RDX: variants seen among roughly 807,000 people sequenced by gnomAD.
RDX encodes deafness, autosomal recessive 24.
Under a neutral mutation model 83.7 loss-of-function variants are expected in RDX, and 32 were observed. The ratio of observed to expected loss-of-function variants is 0.38; its 90% CI spans 0.29 to 0.51. The LOEUF (loss-of-function observed/expected upper bound fraction) is 0.51. Among genes scored for constraint, RDX ranks in the 20% least tolerant of loss-of-function variants. RDX has a pLI of 0.87. For missense variants in RDX, 600 were observed against 689.9 expected (o/e 0.87, Z 1.46); for synonymous variants, 229 against 222.7 (o/e 1.03, Z -0.25).
At chr11:110,189,087 A>G (rs1425792322) in intron 15 of RDX, among the ~76,000 whole-genome samples, 4 of 151,952 alleles carry the variant, frequency 2.6e-5, no homozygotes, top group African/African-American at 9.7e-5. Context: ...AAAGACCCAT[A>G]CATCTACTAT....
In RDX at chr11:110,183,466, T is replaced by C. The variant is rs560024782; in HGVS notation, c.*32-8232A>G. Among the ~76,000 whole-genome samples the C allele has an allele frequency of 5.3e-5, 8 of 152,310 alleles. No individual in the cohort carries two copies. The East Asian group carries it at 1.5e-3, about 29-fold the overall frequency. On this transcript the variant is annotated intron_variant, in intron 15 of 15. Coordinates refer to the RDX transcript ENST00000528498. ...CCTCAGTCTCCTAAATAGCTGGGAC[T>C]ACAGGTACACGCTAACAGCCCAGCC...
At chr11:110,193,561 C>G (rs1439357700) in intron 15 of RDX, among the ~76,000 whole-genome samples, 1 of 152,188 alleles carries the variant, frequency 6.6e-6, no homozygotes, top group Non-Finnish European at 1.5e-5. Context: ...AAACTATTTT[C>G]TCCTCTCAAC....
At chr11:110,261,080 C>A (rs188370104) in intron 5 of RDX, among the ~76,000 whole-genome samples, 1 of 152,004 alleles carries the variant, frequency 6.6e-6, no homozygotes, top group South Asian at 2.1e-4. Flanking sequence ...GTTTAATTAC[C>A]ATCTATTCAC....
At chr11:110,219,913 G>T (rs964914948) in intron 14 of RDX, among the ~76,000 whole-genome samples, 1 of 152,160 alleles carries the variant, frequency 6.6e-6, no homozygotes, top group Non-Finnish European at 1.5e-5. Context: ...ACTGGATAAG[G>T]TCACTAAGAG....
At chr11:110,255,246 A>G (rs1188656654) in intron 8 of RDX, 43 bp downstream of exon 8, 2 of 1,006,528 alleles carry the variant, frequency 2.0e-6, no homozygotes, top group East Asian at 2.4e-5. Context: ...AAACTAGCAG[A>G]TATTAAACAG....
At chr11:110,207,141 G>C (rs1335291899) in intron 14 of RDX, among the ~76,000 whole-genome samples, 2 of 151,942 alleles carry the variant, frequency 1.3e-5, no homozygotes, top group Non-Finnish European at 2.9e-5. Context: ...GCCCAACTAA[G>C]TTTTGTATTT....
chr11:110,191,523 T>C (rs558587069), intron 15 of RDX, among the ~76,000 whole-genome samples: 75 of 152,334 alleles, frequency 4.9e-4, no homozygotes, highest in African/African-American at 1.7e-3. Context: ...ATGCCCACTC[T>C]TACCACACCT....
chr11:110,264,255 A>T (rs1393546003), intron 4 of RDX, 21 bp from the exon 5 acceptor site: 1 of 1,553,466 alleles, frequency 6.4e-7, no homozygotes, highest in Non-Finnish European at 8.8e-7. Context: ...AATTTCAAGT[A>T]TAATCAACAA....
rs560083718 is a variant in RDX, at chr11:110,231,617, G to T, written c.*252C>A. ...CTTCAACAGAAAAAAAAAAGAAAAA[G>T]AAAAAAAATGTGAAAAGAGGCAATG... On this transcript the variant is annotated 3_prime_UTR_variant, in exon 14 of 14. Coordinates refer to ENST00000645495, the MANE Select transcript of RDX (RefSeq NM_002906.4). 498 of 505,522 alleles carry T rather than the reference G, an allele frequency of 9.9e-4. 1 individual carries two copies. The highest frequency in any genetic ancestry group is 9.0e-3 in the African/African-American group (465 of 51,872). The allele number at this position is 505,522 out of a possible 1,614,324, so 31.3% of individuals were successfully genotyped here. A position where few individuals can be genotyped will look rare whatever the true frequency, so the allele number is the denominator to read the frequency against.
At chr11:110,284,430 AAAAC>A (rs1860895041) in intron 1 of RDX, among the ~76,000 whole-genome samples, 1 of 152,208 alleles carries the variant, frequency 6.6e-6, no homozygotes, top group Admixed American at 6.5e-5. Flanking sequence ...TGGTATTATT[AAAAC>A]AAACTGTGTC....
Position 110,215,115 on chromosome 11 carries a change from C to T in RDX, c.1749-15437G>A, listed in dbSNP as rs959547143. Among the ~76,000 whole-genome samples the T allele has an allele frequency of 4.7e-5, 7 of 149,124 alleles. No individual in the cohort carries two copies. In the East Asian group the frequency reaches 1.4e-3, roughly 29 times the overall value. On this transcript the variant is annotated intron_variant, in intron 14 of 15. Transcript: ENST00000528498. The stretch of plus-strand genomic sequence containing the variant: ...GTGGCTTATGCCTGTGATCCCAGCA[C>T]TTTGGAAGGCCGAGGTGGGCGGATC...
intron 1 of RDX, among the ~76,000 whole-genome samples, chr11:110,285,203 A>G (rs1466486624): frequency 6.6e-6 from 1 of 151,868 alleles, no homozygotes; most frequent in African/African-American, 2.4e-5. Flanking sequence ...TCTGGCCAAC[A>G]TAGTGAAACC....
intron 10 of RDX, among the ~76,000 whole-genome samples, chr11:110,244,926 C>T (rs952019109): frequency 4.6e-5 from 7 of 150,824 alleles, no homozygotes; most frequent in African/African-American, 1.5e-4. Context: ...GAGCCTCATA[C>T]TTGAGAAATA....
chr11:110,292,340 T>C lies in RDX; in HGVS notation c.-65+4127A>G, dbSNP rs116390612. On this transcript the variant is annotated intron_variant, in intron 1 of 13. Transcript: ENST00000645495. ...CTAGGCATGGTGGCACACGCCTGTG[T>C]TGGCAGCTACTAGGGAGACTGATGT... is the stretch of plus-strand genomic sequence containing the variant. Among the ~76,000 whole-genome samples the C allele has an allele frequency of 5.6e-3, 854 of 151,398 alleles. 3 individuals are homozygous for C. The highest frequency in any genetic ancestry group is 0.018 in the African/African-American group (760 of 41,282).
intron 9 of RDX, among the ~76,000 whole-genome samples, chr11:110,249,600 T>A (rs761133642): frequency 2.6e-5 from 4 of 151,992 alleles, no homozygotes; most frequent in Non-Finnish European, 5.9e-5. Flanking sequence ...TTTAATAATC[T>A]AGAGAGGCTG....
chr11:110,236,214 A>C (rs1864844574), intron 11 of RDX, 23 bp from the exon 12 acceptor site: 2 of 1,543,680 alleles, frequency 1.3e-6, no homozygotes, highest in Non-Finnish European at 1.8e-6. Flanking sequence ...ATATAATTCC[A>C]AAATTAAAAT....
At chr11:110,204,967 A>G (rs1591509679) in intron 14 of RDX, among the ~76,000 whole-genome samples, 1 of 152,344 alleles carries the variant, frequency 6.6e-6, no homozygotes. Flanking sequence ...AAGGTGTAGC[A>G]ACTTTTTAAG....
chr11:110,254,108 T>C lies in RDX; in HGVS notation c.797A>G (p.Asp266Gly), dbSNP rs762865437. ...VIKPIDKKAP[D>G]FVFYAPRLRI... ...CAGACGAGGTGCATAAAACACAAAA[T>C]CCTAAACATAAAGTATTCTGAATTT... Residue 266 changes from aspartate (D) to glycine (G), a missense_variant and splice_region_variant, in exon 9 of 14, where the codon GAT becomes GGT. Transcript: ENST00000645495. 1 of 1,612,858 alleles carries C rather than the reference T, an allele frequency of 6.2e-7. No homozygotes were observed. Among genetic ancestry groups the C allele is most frequent in the Non-Finnish European group, 8.5e-7 (1 of 1,179,414 alleles).
rs193206883 is a variant in RDX, at chr11:110,272,614, G to T, written c.18C>A (p.Asn6Lys). 3.1e-6 allele frequency: 5 copies of T among 1,605,642 alleles called. No homozygotes were observed. Among genetic ancestry groups the T allele is most frequent in the Non-Finnish European group, 4.3e-6 (5 of 1,174,002 alleles). ...CAGCATCCATTGTAGTTACTCTTAC[G>T]TTGATCTGTAATAAAAATAAAAGGA... MPKPINVRVTTMDAEL... is the reference protein window; with the variant it reads MPKPIKVRVTTMDAEL... Residue 6 changes from asparagine to lysine, a missense_variant, in exon 3 of 14, where the codon AAC becomes AAA. Transcript: ENST00000645495.
Sources: gnomAD v4.1 joint callset for allele counts (sites outside exome capture counted in the v4.1 genomes callset) on GRCh38, gnomAD v4.1.1 for gene constraint, MANE v1.5 for transcripts, NCBI Gene and HGNC (gene_info 2026-07-23, HGNC 2026-07-21) for gene names.